Variants in AMD1 observed in about 807,000 individuals in gnomAD.
The protein encoded by AMD1 is S-adenosylmethionine decarboxylase proenzyme.
Under a neutral mutation model 40.2 loss-of-function variants are expected in AMD1, and 11 were observed. That is an observed-to-expected ratio of 0.27 (90% CI 0.17 to 0.45). The LOEUF (loss-of-function observed/expected upper bound fraction) is 0.45, where lower values mean the gene tolerates loss of function less well. Among genes scored for constraint, AMD1 ranks in the 20% least tolerant of loss-of-function variants. AMD1 has a pLI of 1.00. For missense variants in AMD1, 257 were observed against 410.2 expected (o/e 0.63, Z 3.23); for synonymous variants, 121 against 130.8 (o/e 0.93, Z 0.51).
At chr6:110,876,154 G>A (rs12211153) in intron 1 of AMD1, among the ~76,000 whole-genome samples, 5,518 of 152,342 alleles carry the variant, frequency 0.036, 129 homozygotes, top group Middle Eastern at 0.071. Context: ...CCGCGCCGAA[G>A]AGGCGTTTTA....
the AMD1 span, among the ~76,000 whole-genome samples, chr6:110,816,488 A>C: frequency 3.9e-5 from 6 of 152,204 alleles, no homozygotes; most frequent in African/African-American, 1.4e-4. Flanking sequence ...TAGCAAAATA[A>C]ATTAAGATCC....
chr6:110,838,282 G>C, the AMD1 span, among the ~76,000 whole-genome samples: 1 of 148,486 alleles, frequency 6.7e-6, no homozygotes, highest in South Asian at 2.1e-4. Context: ...CCAGCTACTC[G>C]GGAGGCTGAA....
At chr6:110,880,178 A>AG (rs1325606867) in intron 1 of AMD1, among the ~76,000 whole-genome samples, 36 of 152,130 alleles carry the variant, frequency 2.4e-4, no homozygotes, top group African/African-American at 8.2e-4. Flanking sequence ...GCTGGTCTTG[A>AG]ACTCCTGACT....
chr6:110,892,080 T>G, intron 4 of AMD1, 81 bp from the exon 5 acceptor site: 1 of 1,463,678 alleles, frequency 6.8e-7, no homozygotes, highest in Non-Finnish European at 9.5e-7. Context: ...AGTATCATTC[T>G]GCTTATTGTG....
At chr6:110,819,011 T>C in the AMD1 span, among the ~76,000 whole-genome samples, 2 of 152,108 alleles carry the variant, frequency 1.3e-5, no homozygotes, top group East Asian at 3.8e-4. Context: ...GTGTTCAGGT[T>C]CAATTGGAGG....
chr6:110,860,835 A>ACG, the AMD1 span, among the ~76,000 whole-genome samples: 2 of 109,498 alleles, frequency 1.8e-5, no homozygotes, highest in African/African-American at 6.9e-5. Context: ...ACACCCACCC[A>ACG]CACACACACA....
chr6:110,815,439 T>G, the AMD1 span: 41 of 249,994 alleles, frequency 1.6e-4, no homozygotes, highest in Middle Eastern at 1.2e-3. Flanking sequence ...GGCCGCGCCG[T>G]GGCTTCCTCG....
chr6:110,826,752 C>T, the AMD1 span, among the ~76,000 whole-genome samples: 3 of 146,844 alleles, frequency 2.0e-5, no homozygotes, highest in Admixed American at 7.0e-5. Flanking sequence ...AGTGCAGTGG[C>T]GAAATCCCGG....
In AMD1 at chr6:110,874,974, GC is replaced by G; in HGVS notation, c.-131del. The stretch of plus-strand genomic sequence containing the variant: ...TAAAAAAAGTTAATATAAAATTATA[GC>G]AAAAAAAAAAAGGAACCTGAACTTT... On this transcript the variant is annotated 5_prime_UTR_variant, in exon 1 of 9. Coordinates refer to ENST00000368885, the MANE Select transcript of AMD1 (RefSeq NM_001634.6). 1.6e-6 allele frequency: 1 copy of G among 637,186 alleles called. No individual in the cohort carries two copies. Among genetic ancestry groups the G allele is most frequent in the Non-Finnish European group, 2.6e-6 (1 of 377,764 alleles). 39.5% of individuals were successfully genotyped at this position (637,186 alleles called of 1,614,324 possible). A position where few individuals can be genotyped will look rare whatever the true frequency, so the allele number is the denominator to read the frequency against.
At chr6:110,830,002 T>C in the AMD1 span, among the ~76,000 whole-genome samples, 1 of 151,838 alleles carries the variant, frequency 6.6e-6, no homozygotes, top group African/African-American at 2.4e-5. Context: ...GGATCTTTGT[T>C]TTTGTTTGTG....
chr6:110,882,559 CT>C (rs984944571), intron 1 of AMD1, among the ~76,000 whole-genome samples: 8 of 152,184 alleles, frequency 5.3e-5, no homozygotes, highest in African/African-American at 1.9e-4. Context: ...TTTTTCACCT[CT>C]TTTATGTACA....
At chr6:110,857,656 GTATA>G in the AMD1 span, among the ~76,000 whole-genome samples, 3 of 130,444 alleles carry the variant, frequency 2.3e-5, no homozygotes, top group African/African-American at 8.2e-5. Flanking sequence ...TATATAGATG[GTATA>G]TATATATACA....
At chr6:110,834,962 C>A in the AMD1 span, among the ~76,000 whole-genome samples, 1 of 147,878 alleles carries the variant, frequency 6.8e-6, no homozygotes, top group Non-Finnish European at 1.5e-5. Context: ...AAAAAAAAAT[C>A]TATAGTTAGA....
chr6:110,822,475 G>A, the AMD1 span, among the ~76,000 whole-genome samples: 9 of 151,960 alleles, frequency 5.9e-5, no homozygotes, highest in African/African-American at 2.2e-4. Flanking sequence ...CCAAATTCTA[G>A]CAGACATTCT....
chr6:110,858,352 C>G, the AMD1 span: 1 of 810,794 alleles, frequency 1.2e-6, no homozygotes. Context: ...GCAGCTGGAT[C>G]GAGGGACTCA....
At chr6:110,824,133 C>T in the AMD1 span, among the ~76,000 whole-genome samples, 1 of 152,174 alleles carries the variant, frequency 6.6e-6, no homozygotes, top group Non-Finnish European at 1.5e-5. Context: ...TCTATCACAG[C>T]ATAATTCACA....
chr6:110,867,614 A>G, the AMD1 span, among the ~76,000 whole-genome samples: 1 of 152,226 alleles, frequency 6.6e-6, no homozygotes, highest in East Asian at 1.9e-4. Flanking sequence ...CAGTGAGCCA[A>G]GATCGTGCTA....
chr6:110,854,122 T>C, the AMD1 span, among the ~76,000 whole-genome samples: 21 of 149,842 alleles, frequency 1.4e-4, no homozygotes, highest in Middle Eastern at 3.4e-3. Context: ...TCTTTCTTAC[T>C]TTTTTTCTTT....
At chr6:110,847,811 G>A in the AMD1 span, among the ~76,000 whole-genome samples, 2 of 150,954 alleles carry the variant, frequency 1.3e-5, no homozygotes, top group South Asian at 2.1e-4. Context: ...TCCCCGGCTC[G>A]AGCAATTCTC....
Sources: gnomAD v4.1 joint callset for allele counts (sites outside exome capture counted in the v4.1 genomes callset) on GRCh38, gnomAD v4.1.1 for gene constraint, MANE v1.5 for transcripts, NCBI Gene and HGNC (gene_info 2026-07-23, HGNC 2026-07-21) for gene names.